IFNG-AS1: variants seen among roughly 807,000 people sequenced by gnomAD.
IFNG-AS1 encodes the protein IFNG antisense RNA 1 (non-protein coding).
chr12:68,014,442 A>G (rs925572950), intron 3 of IFNG-AS1, among the ~76,000 whole-genome samples: 1 of 152,192 alleles, frequency 6.6e-6, no homozygotes, highest in East Asian at 1.9e-4. Context: ...CATCCATGCC[A>G]ACATCTACTG....
At chr12:67,997,910 T>C (rs1234085803) in intron 2 of IFNG-AS1, among the ~76,000 whole-genome samples, 2 of 152,064 alleles carry the variant, frequency 1.3e-5, no homozygotes, top group African/African-American at 4.8e-5. Flanking sequence ...TTTAATATCA[T>C]TCATAACTAG....
At chr12:68,011,122 T>C (rs771942932) in intron 3 of IFNG-AS1, among the ~76,000 whole-genome samples, 11 of 152,204 alleles carry the variant, frequency 7.2e-5, no homozygotes, top group African/African-American at 1.4e-4. Context: ...CAGCTGATAA[T>C]ATTTGCTTCC....
intron 1 of IFNG-AS1, among the ~76,000 whole-genome samples, chr12:67,993,843 A>G (rs1592818624): frequency 6.6e-6 from 1 of 152,184 alleles, no homozygotes; most frequent in East Asian, 1.9e-4. Context: ...TTCTGAGTTG[A>G]ACATAGGTTT....
At chr12:67,999,758 A>G in intron 2 of IFNG-AS1, among the ~76,000 whole-genome samples, 1 of 152,196 alleles carries the variant, frequency 6.6e-6, no homozygotes, top group East Asian at 1.9e-4. Flanking sequence ...TGAGTGGGGC[A>G]ATATATAAGA....
At chr12:68,015,882 A>G (rs563255847) in intron 3 of IFNG-AS1, among the ~76,000 whole-genome samples, 4 of 152,248 alleles carry the variant, frequency 2.6e-5, no homozygotes, top group African/African-American at 9.6e-5. Context: ...TACTAGCTGT[A>G]ACCTGAGGCC....
At chr12:68,009,699 A>G (rs1040949692) in intron 3 of IFNG-AS1, among the ~76,000 whole-genome samples, 10 of 152,068 alleles carry the variant, frequency 6.6e-5, no homozygotes, top group African/African-American at 2.4e-4. Context: ...TTGCTCTCAT[A>G]AAAGTTCCTG....
At chr12:67,996,421 T>C (rs2906856) in intron 2 of IFNG-AS1, among the ~76,000 whole-genome samples, 91,817 of 152,068 alleles carry the variant, frequency 0.6, 28,041 homozygotes, top group Middle Eastern at 0.69. Flanking sequence ...TGAGAACAAA[T>C]TGAATGGTGA....
chr12:67,992,889 C>T (rs888043197), intron 1 of IFNG-AS1, among the ~76,000 whole-genome samples: 5 of 152,170 alleles, frequency 3.3e-5, no homozygotes, highest in East Asian at 1.9e-4. Flanking sequence ...CCCTTGATTT[C>T]GTATCCCATT....
chr12:67,996,606 C>A (rs1274674562), intron 2 of IFNG-AS1, among the ~76,000 whole-genome samples: 1 of 152,116 alleles, frequency 6.6e-6, no homozygotes, highest in East Asian at 1.9e-4. Context: ...CAATGAGTAA[C>A]AGAACTGCAA....
intron 2 of IFNG-AS1, among the ~76,000 whole-genome samples, chr12:67,999,331 A>G (rs1291350341): frequency 6.6e-6 from 1 of 152,246 alleles, no homozygotes; most frequent in Non-Finnish European, 1.5e-5. Flanking sequence ...AAGAGCACCT[A>G]GATCTTGCTT....
intron 2 of IFNG-AS1, chr12:68,001,414 T>A (rs1220125301): frequency 4.6e-6 from 1 of 217,206 alleles, no homozygotes; most frequent in Non-Finnish European, 9.7e-6. Flanking sequence ...AGCTGAGTCT[T>A]CTCCAATGTC....
At chr12:68,014,825 A>G (rs1039598000) in intron 3 of IFNG-AS1, among the ~76,000 whole-genome samples, 2 of 151,912 alleles carry the variant, frequency 1.3e-5, no homozygotes, top group Non-Finnish European at 2.9e-5. Flanking sequence ...CAGACACCCT[A>G]TTGGTTCTAT....
At chr12:68,005,032 C>T (rs560085552) in intron 2 of IFNG-AS1, among the ~76,000 whole-genome samples, 14 of 152,236 alleles carry the variant, frequency 9.2e-5, no homozygotes, top group African/African-American at 3.4e-4. Context: ...TTATAGTCTC[C>T]TAAAGCAATC....
At chr12:68,016,221 C>G (rs943840520) in intron 3 of IFNG-AS1, among the ~76,000 whole-genome samples, 1 of 152,162 alleles carries the variant, frequency 6.6e-6, no homozygotes, top group Non-Finnish European at 1.5e-5. Context: ...CAGATCTCCT[C>G]TCTTGCGATG....
chr12:67,995,327 A>T (rs1476717560), intron 1 of IFNG-AS1, among the ~76,000 whole-genome samples: 1 of 149,014 alleles, frequency 6.7e-6, no homozygotes, highest in Non-Finnish European at 1.5e-5. Context: ...AGGCTGAGGC[A>T]GGAGAATCGC....
At chr12:68,003,892 G>C (rs1220783167) in intron 2 of IFNG-AS1, among the ~76,000 whole-genome samples, 1 of 144,506 alleles carries the variant, frequency 6.9e-6, no homozygotes, top group Non-Finnish European at 1.5e-5. Context: ...GGGTGAGAGT[G>C]AGACTCCGTC....
intron 3 of IFNG-AS1, among the ~76,000 whole-genome samples, chr12:68,019,571 C>T (rs1318529151): frequency 6.6e-6 from 1 of 152,102 alleles, no homozygotes; most frequent in East Asian, 1.9e-4. Flanking sequence ...TTGGTGAGGC[C>T]TGAAGGAGAT....
At chr12:68,008,598 C>T (rs1300187848) in intron 3 of IFNG-AS1, among the ~76,000 whole-genome samples, 6 of 152,002 alleles carry the variant, frequency 3.9e-5, no homozygotes, top group Non-Finnish European at 5.9e-5. Context: ...ATTTCTTGTT[C>T]GTAGGATGGC....
intron 1 of IFNG-AS1, among the ~76,000 whole-genome samples, chr12:67,990,564 C>A (rs1879484135): frequency 6.6e-6 from 1 of 151,810 alleles, no homozygotes; most frequent in Non-Finnish European, 1.5e-5. Flanking sequence ...TTAAAGGAAA[C>A]TTTATACACC....
Sources: gnomAD v4.1 joint callset for allele counts (sites outside exome capture counted in the v4.1 genomes callset) on GRCh38, gnomAD v4.1.1 for gene constraint, MANE v1.5 for transcripts, NCBI Gene and HGNC (gene_info 2026-07-23, HGNC 2026-07-21) for gene names.